The following GMEB2 variants were observed in gnomAD, a reference collection of about 807,000 sequenced individuals.
GMEB2 encodes glucocorticoid modulatory element binding protein 2.
A neutral mutation model predicts 45.7 loss-of-function variants in GMEB2; 7 were observed. The ratio of observed to expected loss-of-function variants is 0.15; its 90% CI spans 0.09 to 0.29. The LOEUF (loss-of-function observed/expected upper bound fraction) is 0.29, where lower values mean the gene tolerates loss of function less well. GMEB2 is among the 10% of genes least tolerant of loss of function. GMEB2 has a pLI of 1.00. For synonymous variants in GMEB2, 322 were observed against 323.6 expected (o/e 1.00, Z 0.05); for missense variants, 582 against 739.2 (o/e 0.79, Z 2.47).
chr20:63,624,352 T>A (rs2089656721), intron 1 of GMEB2, among the ~76,000 whole-genome samples: 1 of 147,230 alleles, frequency 6.8e-6, no homozygotes, highest in Non-Finnish European at 1.5e-5. Flanking sequence ...TCTCTCGAAC[T>A]CCGGAGGCAG....
At chr20:63,605,968 A>C (rs1473895030) in intron 2 of GMEB2, among the ~76,000 whole-genome samples, 1 of 152,086 alleles carries the variant, frequency 6.6e-6, no homozygotes, top group Non-Finnish European at 1.5e-5. Context: ...GGAAAAAAAA[A>C]ACCCAGCAGG....
chr20:63,614,473 C>G (rs6011927), intron 2 of GMEB2, among the ~76,000 whole-genome samples: 119,965 of 152,142 alleles, frequency 0.79, 48,972 homozygotes, highest in Non-Finnish European at 0.92. Context: ...TAGCGGTAGC[C>G]TCAGTGTCAA....
chr20:63,599,462 C>T (rs781017570), intron 4 of GMEB2, among the ~76,000 whole-genome samples: 11 of 152,196 alleles, frequency 7.2e-5, no homozygotes, highest in Non-Finnish European at 1.6e-4. Flanking sequence ...GTGGCAAACT[C>T]GTGTCTTTTT....
At position 63,590,424 on chromosome 20, in the gene GMEB2, C is replaced by G. The variant is rs755695839; in HGVS notation, c.1258G>C (p.Ala420Pro). ...LGKGSLQAPP[A>P]SSPASPLLGG... ...AGCAGCGGGGAGGCCGGGGAGCTGG[C>G]GGGGGGCGCCTGAAGGGAACCCTTG... Residue 420 changes from alanine (A) to proline (P), a missense_variant, in exon 10 of 10, where the codon GCC becomes CCC. Physicochemically the swap from Ala to Pro is conservative, Grantham distance 27 (BLOSUM62 -1). This residue lies in a region of GMEB2 where 462 missense variants were observed against 586.7 expected (regional missense o/e 0.79). Transcript: ENST00000370077. 6.4e-7 allele frequency: 1 copy of G among 1,555,156 alleles called. No homozygotes were observed. Among genetic ancestry groups the G allele is most frequent in the Admixed American group, 1.9e-5 (1 of 52,790 alleles).
chr20:63,604,723 C>T lies in GMEB2; in HGVS notation c.229+20G>A, dbSNP rs77922905. The stretch of plus-strand genomic sequence containing the variant: ...TGCTGCGGCAAGAAGGCAGACTTCC[C>T]ACCTAGGACGGCTTCCTACCTAACA... On this transcript the variant is annotated intron_variant, in intron 3 of 9. Coordinates refer to ENST00000370077, the MANE Select transcript of GMEB2 (RefSeq NM_012384.5). The T allele has an allele frequency of 3.7e-3, 5,246 of 1,425,160 alleles. 97 individuals carry two copies. In the African/African-American group the frequency reaches 0.052, roughly 14 times the overall value. The allele number at this position is 1,425,160 out of a possible 1,614,324, so 88.3% of individuals were successfully genotyped here.
At chr20:63,620,588 C>T (rs1312508590) in intron 1 of GMEB2, among the ~76,000 whole-genome samples, 1 of 152,184 alleles carries the variant, frequency 6.6e-6, no homozygotes, top group Admixed American at 6.5e-5. Flanking sequence ...GAAAACTGAC[C>T]TACAGGATAG....
chr20:63,605,920 A>T (rs1292789504), intron 2 of GMEB2, among the ~76,000 whole-genome samples: 2 of 152,134 alleles, frequency 1.3e-5, no homozygotes, highest in African/African-American at 4.8e-5. Context: ...GTACCACTGC[A>T]TTCCAGCCTG....
intron 3 of GMEB2, 98 bp from the exon 4 acceptor site, chr20:63,603,190 T>C: frequency 2.9e-6 from 4 of 1,374,860 alleles, no homozygotes; most frequent in Non-Finnish European, 3.0e-6. Flanking sequence ...GCTACCAACA[T>C]GGAAACCAAA....
chr20:63,612,345 T>C (rs945910193), intron 2 of GMEB2, among the ~76,000 whole-genome samples: 1 of 152,114 alleles, frequency 6.6e-6, no homozygotes, highest in Non-Finnish European at 1.5e-5. Context: ...CCGTCCTGTC[T>C]TGTCTGCCAC....
chr20:63,618,162 G>A (rs573837169), intron 2 of GMEB2, among the ~76,000 whole-genome samples: 89 of 152,322 alleles, frequency 5.8e-4, no homozygotes, highest in Non-Finnish European at 9.9e-4. Context: ...GGGAAAACAC[G>A]GAAGCTGTGC....
chr20:63,599,509 G>A (rs1003383234), intron 4 of GMEB2, among the ~76,000 whole-genome samples: 10 of 152,264 alleles, frequency 6.6e-5, no homozygotes, highest in South Asian at 2.1e-4. Flanking sequence ...TTTCAAAGAC[G>A]ACCTCACGGT....
chr20:63,591,252 C>T (rs1264693733), intron 9 of GMEB2, among the ~76,000 whole-genome samples: 1 of 152,102 alleles, frequency 6.6e-6, no homozygotes, highest in East Asian at 1.9e-4. Context: ...ACACACAGTG[C>T]ACACACACTG....
Position 63,592,601 on chromosome 20 carries a change from T to C in GMEB2, c.761A>G (p.His254Arg), listed in dbSNP as rs1601004462. ...TCTCATGGTCTCCACCAGCTCCTGGTGGAACTCCTGGATGACCTCGTCCAG... is the reference window on the plus strand; with the variant it reads ...TCTCATGGTCTCCACCAGCTCCTGGCGGAACTCCTGGATGACCTCGTCCAG... ...GLLDEVIQEFHQELVETMRGL... is the reference protein window; with the variant it reads ...GLLDEVIQEFRQELVETMRGL... The change falls in exon 8 of 10, where the codon CAC becomes CGC. Residue 254 changes from histidine to arginine, a missense_variant. Physicochemically the swap from His to Arg is conservative, Grantham distance 29. Coordinates refer to ENST00000370077, the MANE Select transcript of GMEB2 (RefSeq NM_012384.5). The surrounding 1 kb of genome is among the most constrained non-coding windows in gnomAD (Gnocchi z 8.2). 1 of 1,611,660 alleles carries C rather than the reference T, an allele frequency of 6.2e-7. No homozygotes were observed. Among genetic ancestry groups the C allele is most frequent in the Non-Finnish European group, 8.5e-7 (1 of 1,177,978 alleles).
chr20:63,614,467 G>A (rs535776696), intron 2 of GMEB2, among the ~76,000 whole-genome samples: 17 of 152,276 alleles, frequency 1.1e-4, no homozygotes, highest in African/African-American at 4.1e-4. Flanking sequence ...GTGGTCTAGC[G>A]GTAGCCTCAG....
At chr20:63,597,908 T>C (rs1472993595) in intron 4 of GMEB2, 48 bp from the exon 5 acceptor site, 3 of 1,100,096 alleles carry the variant, frequency 2.7e-6, no homozygotes, top group Admixed American at 3.4e-5. Context: ...GGACACCACA[T>C]AGGGTGCCCC....
rs1484758009 is a variant in GMEB2 at position 63,619,240 on chromosome 20, C to T, written c.131+27G>A. 6.3e-7 allele frequency: 1 copy of T among 1,586,168 alleles called. No individual in the cohort carries two copies. Among genetic ancestry groups the T allele is most frequent in the Admixed American group, 1.7e-5 (1 of 58,076 alleles). ...CAGCCCAACCCAAGCCCCCATCAGC[C>T]CCAATGGCACCGAGGCCCGAGCTTA... On this transcript the variant is annotated intron_variant, in intron 2 of 9. Coordinates refer to ENST00000370077, the MANE Select transcript of GMEB2 (RefSeq NM_012384.5). The surrounding 1 kb of genome is among the most constrained non-coding windows in gnomAD (Gnocchi z 4.6).
chr20:63,592,459 AG>A lies in GMEB2; in HGVS notation c.829+73del, dbSNP rs781375891. 35 of 1,172,308 alleles carry A rather than the reference AG, an allele frequency of 3.0e-5. No homozygotes were observed. The highest frequency in any genetic ancestry group is 4.3e-5 in the Non-Finnish European group (35 of 809,336). 72.6% of individuals were successfully genotyped at this position (1,172,308 alleles called of 1,614,324 possible). A position where few individuals can be genotyped will look rare whatever the true frequency, so the allele number is the denominator to read the frequency against. ...CAGCACAGAAGGGCCTAGGGGCAGG[AG>A]GGCCAGTGGCCTCACCTCCTGCAGA... On this transcript the variant is annotated intron_variant, in intron 8 of 9. Coordinates refer to ENST00000370077, the MANE Select transcript of GMEB2 (RefSeq NM_012384.5). This position sits in a 1 kb window ranked among gnomAD's most constrained non-coding sequence, Gnocchi z 8.2.
At position 63,589,438 on chromosome 20, in the gene GMEB2, C is replaced by T. The variant is rs1044826739; in HGVS notation, c.*651G>A. On this transcript the variant is annotated 3_prime_UTR_variant, in exon 10 of 10. Transcript: ENST00000370077. ...ATGCCTGGACCACGCCTCGTCTGTG[C>T]GGCCCCTGGGCCACCTGAGCACCGG... The T allele has an allele frequency of 1.1e-5, 4 of 352,242 alleles. No homozygotes were observed. Among genetic ancestry groups the T allele is most frequent in the African/African-American group, 2.1e-5 (1 of 47,760 alleles). 21.8% of individuals were successfully genotyped at this position (352,242 alleles called of 1,614,324 possible). A position where few individuals can be genotyped will look rare whatever the true frequency, so the allele number is the denominator to read the frequency against.
rs2146092406 is a variant in GMEB2, at chr20:63,619,184, C to G, written c.131+83G>C. ...ACTAGAAAAATCCTGACACTTGTCCCTTACTACGTTAATGCCAGCTGTGCC... is the reference window on the plus strand; with the variant it reads ...ACTAGAAAAATCCTGACACTTGTCCGTTACTACGTTAATGCCAGCTGTGCC... On this transcript the variant is annotated intron_variant, in intron 2 of 9. Coordinates refer to ENST00000370077, the MANE Select transcript of GMEB2 (RefSeq NM_012384.5). This position sits in a 1 kb window ranked among gnomAD's most constrained non-coding sequence, Gnocchi z 4.6. The G allele has an allele frequency of 7.5e-7, 1 of 1,330,704 alleles. No homozygotes were observed. The highest frequency in any genetic ancestry group is 2.5e-5 in the Admixed American group (1 of 40,760). 82.4% of individuals were successfully genotyped at this position (1,330,704 alleles called of 1,614,324 possible). A position where few individuals can be genotyped will look rare whatever the true frequency, so the allele number is the denominator to read the frequency against.
Sources: gnomAD v4.1 joint callset for allele counts (sites outside exome capture counted in the v4.1 genomes callset) on GRCh38, gnomAD v4.1.1 for gene constraint, gnomAD v4.1.1 regional missense constraint, Gnocchi (gnomAD v3.1) non-coding constraint, MANE v1.5 for transcripts, NCBI Gene and HGNC (gene_info 2026-07-23, HGNC 2026-07-21) for gene names.